SAMD3: variants seen among roughly 807,000 people sequenced by gnomAD.
The protein encoded by SAMD3 is sterile alpha motif domain-containing protein 3.
SAMD3 carries 63 observed loss-of-function variants against 58.5 expected under a neutral mutation model. That is an observed-to-expected ratio of 1.08 (90% CI 0.88 to 1.33). SAMD3 has a LOEUF of 1.33. SAMD3 is among the 40% of genes most tolerant of loss of function. The pLI is 0.00. For missense variants in SAMD3, 604 were observed against 608.4 expected, an observed-to-expected ratio of 0.99 and a Z score of 0.08; for synonymous variants, 220 against 210.3, an observed-to-expected ratio of 1.05 and a Z score of -0.40.
intron 1 of SAMD3, among the ~76,000 whole-genome samples, chr6:130,324,099 T>C (rs1776677155): frequency 6.6e-6 from 1 of 152,164 alleles, no homozygotes. Context: ...TAAATTTAAA[T>C]AAACCTTCAA....
chr6:130,350,971 G>A (rs1777638846), intron 1 of SAMD3, among the ~76,000 whole-genome samples: 1 of 152,070 alleles, frequency 6.6e-6, no homozygotes, highest in African/African-American at 2.4e-5. Context: ...ACCAAGCAAT[G>A]GGGAAAGCAT....
intron 2 of SAMD3, among the ~76,000 whole-genome samples, chr6:130,291,619 T>C (rs1775365043): frequency 6.6e-6 from 1 of 152,252 alleles, no homozygotes; most frequent in African/African-American, 2.4e-5. Flanking sequence ...TTTATTTCTC[T>C]GCATCTGAAC....
intron 1 of SAMD3, among the ~76,000 whole-genome samples, chr6:130,324,538 T>C (rs1433467051): frequency 1.3e-5 from 2 of 152,236 alleles, no homozygotes; most frequent in African/African-American, 4.8e-5. Flanking sequence ...CTTTTCAAAT[T>C]GTGAAGCACT....
chr6:130,272,582 A>G (rs1774603896), intron 2 of SAMD3, among the ~76,000 whole-genome samples: 2 of 152,222 alleles, frequency 1.3e-5, no homozygotes, highest in South Asian at 4.1e-4. Flanking sequence ...TAGTGATGAG[A>G]TAATAAATCT....
intron 9 of SAMD3, among the ~76,000 whole-genome samples, chr6:130,149,511 C>A (rs568192031): frequency 7.2e-5 from 11 of 152,134 alleles, no homozygotes; most frequent in African/African-American, 2.4e-4. Flanking sequence ...TACATGTACA[C>A]CATGGAATAC....
intron 2 of SAMD3, among the ~76,000 whole-genome samples, chr6:130,308,444 T>C (rs1776024419): frequency 6.7e-6 from 1 of 150,008 alleles, no homozygotes; most frequent in Non-Finnish European, 1.5e-5. Context: ...TATTCTTTTG[T>C]GTGTGTGTGT....
chr6:130,160,351 AT>A (rs1202710478), intron 8 of SAMD3: 1 of 152,192 alleles, frequency 6.6e-6, no homozygotes, highest in Non-Finnish European at 1.5e-5. Flanking sequence ...GTGACATTAC[AT>A]TGATTGAAAA....
chr6:130,348,793 C>T (rs1777549591), intron 1 of SAMD3, among the ~76,000 whole-genome samples: 1 of 152,110 alleles, frequency 6.6e-6, no homozygotes, highest in Non-Finnish European at 1.5e-5. Context: ...CAGCACCACA[C>T]CACACCTATT....
intron 2 of SAMD3, among the ~76,000 whole-genome samples, chr6:130,243,798 C>T (rs1773444286): frequency 6.6e-6 from 1 of 152,174 alleles, no homozygotes. Context: ...ACGTTACACA[C>T]ACAGACACAA....
chr6:130,158,102 T>G (rs1346201768), intron 8 of SAMD3, among the ~76,000 whole-genome samples: 2 of 152,214 alleles, frequency 1.3e-5, no homozygotes, highest in Admixed American at 6.5e-5. Context: ...CTAGCAAGAT[T>G]CAATATTGTA....
At chr6:130,180,110 C>T (rs2326965) in intron 7 of SAMD3, among the ~76,000 whole-genome samples, 134,925 of 151,090 alleles carry the variant, frequency 0.89, 60,392 homozygotes, top group East Asian at 0.98. Context: ...CCACCGTACA[C>T]GACCTTTTTT....
At chr6:130,315,039 A>C (rs1438985347) in intron 1 of SAMD3, among the ~76,000 whole-genome samples, 6 of 152,118 alleles carry the variant, frequency 3.9e-5, no homozygotes, top group African/African-American at 7.2e-5. Flanking sequence ...CCCTCCTCAA[A>C]CTATATACTA....
chr6:130,145,120 G>A (rs1378429772), intron 11 of SAMD3, among the ~76,000 whole-genome samples: 3 of 152,130 alleles, frequency 2.0e-5, no homozygotes, highest in Non-Finnish European at 2.9e-5. Context: ...TTAGCTGGGC[G>A]TGGTGGTGCA....
intron 4 of SAMD3, among the ~76,000 whole-genome samples, chr6:130,212,089 G>A (rs954180902): frequency 6.6e-6 from 1 of 151,728 alleles, no homozygotes; most frequent in Non-Finnish European, 1.5e-5. Flanking sequence ...TAGCTTCAGG[G>A]TTCTTCTGTA....
At chr6:130,284,144 T>A (rs1341883799) in intron 2 of SAMD3, among the ~76,000 whole-genome samples, 3 of 152,232 alleles carry the variant, frequency 2.0e-5, no homozygotes, top group African/African-American at 7.2e-5. Context: ...TGAGCCACCA[T>A]GCCCGGCCTA....
At chr6:130,164,181 G>A (rs896031022) in intron 8 of SAMD3, among the ~76,000 whole-genome samples, 1 of 151,924 alleles carries the variant, frequency 6.6e-6, no homozygotes, top group Non-Finnish European at 1.5e-5. Flanking sequence ...TCAGAATGCG[G>A]CAAAATGTTA....
intron 5 of SAMD3, among the ~76,000 whole-genome samples, chr6:130,188,093 A>G (rs1793170403): frequency 6.6e-6 from 1 of 152,256 alleles, no homozygotes; most frequent in South Asian, 2.1e-4. Context: ...AATTTAAAAA[A>G]TGATTAGATG....
intron 2 of SAMD3, among the ~76,000 whole-genome samples, chr6:130,311,533 TA>T (rs1776163010): frequency 6.6e-6 from 1 of 151,968 alleles, no homozygotes; most frequent in South Asian, 2.1e-4. Context: ...AGACTAAGAG[TA>T]AAGGGAATAC....
At chr6:130,326,930 AT>A (rs778157770) in intron 1 of SAMD3, among the ~76,000 whole-genome samples, 1 of 152,236 alleles carries the variant, frequency 6.6e-6, no homozygotes, top group Non-Finnish European at 1.5e-5. Context: ...AGATAGTTAT[AT>A]TTTAAATTGT....
Sources: gnomAD v4.1 joint callset for allele counts (sites outside exome capture counted in the v4.1 genomes callset) on GRCh38, gnomAD v4.1.1 for gene constraint, MANE v1.5 for transcripts, NCBI Gene and HGNC (gene_info 2026-07-23, HGNC 2026-07-21) for gene names.